Variants in PELI2 observed in about 807,000 individuals in gnomAD.
PELI2 encodes pellino E3 ubiquitin protein ligase family member 2, also known as E3 ubiquitin-protein ligase pellino homolog 2.
PELI2 carries 23 observed loss-of-function variants against 42.3 expected under a neutral mutation model. The observed-to-expected ratio is 0.54, with a 90% CI of 0.39 to 0.77. PELI2 has a LOEUF of 0.77. Ranked by LOEUF, PELI2 falls within the 30% of genes least tolerant of loss-of-function variation. The pLI is 0.00. For missense variants in PELI2, 463 were observed against 553.2 expected, an observed-to-expected ratio of 0.84 and a Z score of 1.64; for synonymous variants, 245 against 212.2, an observed-to-expected ratio of 1.15 and a Z score of -1.34.
rs1284775505 is a variant in PELI2 at position 56,297,961 on chromosome 14, C to A, written c.*795C>A. On this transcript the variant is annotated 3_prime_UTR_variant, in exon 6 of 6. Transcript: ENST00000267460. ...TAAAATACATCAGCTCTTAAAAACT[C>A]ATTAACTGAGGGTAATTACAGTAGT... 1 of 152,098 alleles carries A rather than the reference C, an allele frequency of 6.6e-6. No individual in the cohort carries two copies. The highest frequency in any genetic ancestry group is 2.4e-5 in the African/African-American group (1 of 41,418). 9.4% of individuals were successfully genotyped at this position (152,098 alleles called of 1,614,324 possible).
chr14:56,182,138 A>G (rs1885607699), intron 2 of PELI2, among the ~76,000 whole-genome samples: 2 of 152,238 alleles, frequency 1.3e-5, no homozygotes, highest in Non-Finnish European at 2.9e-5. Flanking sequence ...AAGGGGGCAC[A>G]GAGTTTAGAC....
intron 2 of PELI2, among the ~76,000 whole-genome samples, chr14:56,229,141 T>C (rs1240457425): frequency 6.6e-6 from 1 of 152,196 alleles, no homozygotes; most frequent in Non-Finnish European, 1.5e-5. Flanking sequence ...GGCCTGCCTG[T>C]CTCTGTAGAC....
rs1430723265 is a variant in PELI2, at chr14:56,290,397, G to C, written c.637G>C (p.Val213Leu). The change falls in exon 5 of 6, where the codon GTC (valine) becomes CTC (leucine). Residue 213 changes from valine to leucine, a missense_variant. Around this residue, in one of 3 missense-constraint regions of PELI2, gnomAD observed 343 missense variants for 378.4 expected, o/e 0.91. Transcript: ENST00000267460. ...SQPGVWREIS[V>L]CGDVYTLRET... ...GCCCGGGGTCTGGCGCGAGATCTCT[G>C]TCTGTGGAGATGTGTACACCTTGCG... 1.2e-6 allele frequency: 2 copies of C among 1,613,860 alleles called. No homozygotes were observed. Among genetic ancestry groups the C allele is most frequent in the Non-Finnish European group, 8.5e-7 (1 of 1,179,792 alleles).
At position 56,174,935 on chromosome 14, in the gene PELI2, C is replaced by G. The variant is rs8018548; in HGVS notation, c.78-3400C>G. Among the ~76,000 whole-genome samples the G allele has an allele frequency of 6.4e-3, 975 of 152,268 alleles. 12 individuals are homozygous for G. The highest frequency in any genetic ancestry group is 0.022 in the African/African-American group (932 of 41,536). ...CTCCACAGTGCTGAACTGTGTAGTCCTCCTTGCCTTGCACATTATATCACC... is the reference window on the plus strand; with the variant it reads ...CTCCACAGTGCTGAACTGTGTAGTCGTCCTTGCCTTGCACATTATATCACC... On this transcript the variant is annotated intron_variant, in intron 1 of 5. Coordinates refer to ENST00000267460, the MANE Select transcript of PELI2 (RefSeq NM_021255.3).
chr14:56,137,972 A>G (rs999087920), intron 1 of PELI2, among the ~76,000 whole-genome samples: 2 of 152,160 alleles, frequency 1.3e-5, no homozygotes, highest in Admixed American at 6.5e-5. Context: ...TCCCAGGTGC[A>G]CATTTCCCTT....
chr14:56,223,311 C>T (rs1395287448), intron 2 of PELI2, among the ~76,000 whole-genome samples: 1 of 152,182 alleles, frequency 6.6e-6, no homozygotes, highest in East Asian at 1.9e-4. Context: ...CTTAGGCTCC[C>T]AGTGCTCTCT....
At chr14:56,282,748 A>G (rs1889521803) in intron 3 of PELI2, among the ~76,000 whole-genome samples, 1 of 152,098 alleles carries the variant, frequency 6.6e-6, no homozygotes, top group Non-Finnish European at 1.5e-5. Context: ...ATGTCTTCTT[A>G]TTCTGTTAAG....
chr14:56,286,691 C>T (rs1295044164), intron 3 of PELI2, among the ~76,000 whole-genome samples: 1 of 152,142 alleles, frequency 6.6e-6, no homozygotes, highest in African/African-American at 2.4e-5. Context: ...AAGTTTTCCA[C>T]ATTGAGTGAT....
Position 56,298,122 on chromosome 14 carries a change from TAAGA to T in PELI2, c.*960_*963del, listed in dbSNP as rs1422869832. ...CTTGGGGTTTTTTTTTTTCCTTTGT[TAAGA>T]AAGCCAACCAATCACAATGATATAG... On this transcript the variant is annotated 3_prime_UTR_variant, in exon 6 of 6. Transcript: ENST00000267460. The T allele has an allele frequency of 6.6e-6, 1 of 152,462 alleles. No homozygotes were observed. Among genetic ancestry groups the T allele is most frequent in the African/African-American group, 2.4e-5 (1 of 41,404 alleles). 9.4% of individuals were successfully genotyped at this position (152,462 alleles called of 1,614,324 possible). A position where few individuals can be genotyped will look rare whatever the true frequency, so the allele number is the denominator to read the frequency against.
intron 1 of PELI2, among the ~76,000 whole-genome samples, chr14:56,172,096 A>G (rs976577201): frequency 1.3e-5 from 2 of 152,182 alleles, no homozygotes; most frequent in African/African-American, 4.8e-5. Context: ...CCAGGAATCT[A>G]TTACTGTGTA....
chr14:56,234,101 A>G (rs1158374106), intron 2 of PELI2, among the ~76,000 whole-genome samples: 1 of 152,236 alleles, frequency 6.6e-6, no homozygotes, highest in African/African-American at 2.4e-5. Context: ...TCAGGAAACA[A>G]CAGGTGCTGG....
intron 2 of PELI2, among the ~76,000 whole-genome samples, chr14:56,250,975 A>G (rs1888324107): frequency 6.6e-6 from 1 of 151,668 alleles, no homozygotes; most frequent in African/African-American, 2.4e-5. Context: ...TCTTAGCCCA[A>G]GTCTAGCCTC....
chr14:56,289,150 C>T (rs1053179054), intron 4 of PELI2, among the ~76,000 whole-genome samples: 8 of 152,180 alleles, frequency 5.3e-5, no homozygotes, highest in Admixed American at 1.3e-4. Context: ...ACATAGTTTC[C>T]TTTTGAATTA....
intron 2 of PELI2, among the ~76,000 whole-genome samples, chr14:56,252,087 T>G (rs1223590039): frequency 6.6e-6 from 1 of 152,232 alleles, no homozygotes; most frequent in Non-Finnish European, 1.5e-5. Context: ...TTCAATAATT[T>G]GTTTGTTCAG....
At chr14:56,130,263 G>A (rs76882444) in intron 1 of PELI2, among the ~76,000 whole-genome samples, 19,363 of 152,052 alleles carry the variant, frequency 0.13, 1,412 homozygotes, top group Middle Eastern at 0.17. Flanking sequence ...TAAATGTTTA[G>A]CAAGGGAGGT....
intron 2 of PELI2, among the ~76,000 whole-genome samples, chr14:56,278,289 A>G (rs368347543): frequency 1.3e-4 from 20 of 152,324 alleles, no homozygotes; most frequent in African/African-American, 4.6e-4. Flanking sequence ...AAAATTGTAT[A>G]TATTCAAGGT....
At chr14:56,265,893 A>G (rs983895790) in intron 2 of PELI2, among the ~76,000 whole-genome samples, 1 of 152,070 alleles carries the variant, frequency 6.6e-6, no homozygotes, top group African/African-American at 2.4e-5. Flanking sequence ...CCACAATGAG[A>G]TATCACTACA....
chr14:56,240,678 G>A (rs1437380814), intron 2 of PELI2, among the ~76,000 whole-genome samples: 2 of 152,146 alleles, frequency 1.3e-5, no homozygotes, highest in African/African-American at 4.8e-5. Context: ...AGCCAGGGAA[G>A]AGGAAACGGA....
intron 2 of PELI2, among the ~76,000 whole-genome samples, chr14:56,231,608 A>C (rs959898399): frequency 2.8e-4 from 42 of 152,250 alleles, no homozygotes; most frequent in Non-Finnish European, 5.3e-4. Flanking sequence ...CATTTAAAGC[A>C]GCGTGTAGAG....
Sources: gnomAD v4.1 joint callset for allele counts (sites outside exome capture counted in the v4.1 genomes callset) on GRCh38, gnomAD v4.1.1 for gene constraint, gnomAD v4.1.1 regional missense constraint, MANE v1.5 for transcripts, NCBI Gene and HGNC (gene_info 2026-07-23, HGNC 2026-07-21) for gene names.